The following STARD13 variants were observed in gnomAD, a reference collection of about 807,000 sequenced individuals.
STARD13 encodes the protein stAR-related lipid transfer protein 13.
In STARD13, 62 loss-of-function variants were observed where a neutral mutation model predicts 106.4. That is an observed-to-expected ratio of 0.58 (90% CI 0.48 to 0.72). The LOEUF is 0.72. STARD13 is among the 30% of genes least tolerant of loss of function. The pLI, the probability that STARD13 is intolerant of heterozygous loss-of-function variation, is 0.00. For synonymous variants in STARD13, 565 were observed against 553.0 expected (o/e 1.02, Z -0.31); for missense variants, 1,387 against 1,424.0 (o/e 0.97, Z 0.42).
the STARD13 span, among the ~76,000 whole-genome samples, chr13:33,630,632 T>C: frequency 6.6e-6 from 1 of 152,126 alleles, no homozygotes; most frequent in African/African-American, 2.4e-5. Context: ...GAGTTATGGG[T>C]AGGAAAAATT....
the STARD13 span, among the ~76,000 whole-genome samples, chr13:33,569,951 C>T: frequency 1.4e-5 from 2 of 147,208 alleles, no homozygotes. Context: ...TAAAAGACCA[C>T]ATATTGGGTA....
the STARD13 span, among the ~76,000 whole-genome samples, chr13:33,627,002 TA>T: frequency 6.6e-6 from 1 of 152,242 alleles, no homozygotes; most frequent in Non-Finnish European, 1.5e-5. Flanking sequence ...TTGGTTCTGA[TA>T]AAGGGAAATA....
At chr13:33,266,293 T>A (rs558244036) in intron 1 of STARD13, among the ~76,000 whole-genome samples, 1 of 152,364 alleles carries the variant, frequency 6.6e-6, no homozygotes, top group Admixed American at 6.5e-5. Context: ...TAATTATTGA[T>A]CATGTTTAGG....
the STARD13 span, among the ~76,000 whole-genome samples, chr13:33,660,668 TG>T: frequency 1.3e-5 from 2 of 152,164 alleles, no homozygotes; most frequent in African/African-American, 4.8e-5. Context: ...ACTGCAGACT[TG>T]AACTCCTGGG....
chr13:33,501,745 C>G, the STARD13 span, among the ~76,000 whole-genome samples: 1 of 151,960 alleles, frequency 6.6e-6, no homozygotes. Context: ...TGGTCTGTAT[C>G]TCTGTTTTGG....
intron 1 of STARD13, among the ~76,000 whole-genome samples, chr13:33,341,451 A>G (rs1340896985): frequency 6.6e-6 from 1 of 152,138 alleles, no homozygotes; most frequent in Non-Finnish European, 1.5e-5. Context: ...AACCTCGCTA[A>G]CATGGTGAAA....
intron 1 of STARD13, among the ~76,000 whole-genome samples, chr13:33,309,505 G>C (rs932640248): frequency 6.6e-6 from 1 of 152,180 alleles, no homozygotes; most frequent in East Asian, 1.9e-4. Context: ...CTGGTGCAAT[G>C]GTAACACTTT....
chr13:33,141,205 A>G (rs1214976181), intron 4 of STARD13, among the ~76,000 whole-genome samples: 1 of 152,216 alleles, frequency 6.6e-6, no homozygotes, highest in African/African-American at 2.4e-5. Context: ...AATTCAGTGA[A>G]AAAGAGAGGC....
chr13:33,616,467 G>A, the STARD13 span, among the ~76,000 whole-genome samples: 1 of 152,250 alleles, frequency 6.6e-6, no homozygotes, highest in East Asian at 1.9e-4. Flanking sequence ...GGGAATCTCA[G>A]AAATCTAGAC....
intron 1 of STARD13, among the ~76,000 whole-genome samples, chr13:33,192,742 TACAAA>T (rs1886339435): frequency 6.6e-6 from 1 of 152,016 alleles, no homozygotes; most frequent in Admixed American, 6.5e-5. Context: ...CTACTAAAAA[TACAAA>T]ATTAGCTGGG....
At chr13:33,216,212 G>C (rs1888031678) in intron 1 of STARD13, among the ~76,000 whole-genome samples, 1 of 152,124 alleles carries the variant, frequency 6.6e-6, no homozygotes, top group African/African-American at 2.4e-5. Context: ...TCTCACTACT[G>C]GGTATCTACT....
the STARD13 span, among the ~76,000 whole-genome samples, chr13:33,480,129 A>G: frequency 3.9e-5 from 6 of 152,334 alleles, no homozygotes; most frequent in African/African-American, 1.4e-4. Context: ...TGTATTTATA[A>G]CACACATATG....
the STARD13 span, chr13:33,654,750 A>T: frequency 6.6e-6 from 1 of 152,182 alleles, no homozygotes; most frequent in African/African-American, 2.4e-5. Context: ...TTAGTTCCTG[A>T]TTTTACCTTG....
At chr13:33,653,874 A>C in the STARD13 span, among the ~76,000 whole-genome samples, 1 of 152,220 alleles carries the variant, frequency 6.6e-6, no homozygotes, top group East Asian at 1.9e-4. Flanking sequence ...CAAATGATTT[A>C]AATAGACATC....
chr13:33,167,917 G>A (rs1029541939), intron 1 of STARD13, among the ~76,000 whole-genome samples: 71 of 151,870 alleles, frequency 4.7e-4, no homozygotes, highest in Admixed American at 9.2e-4. Context: ...AGGGAAAAAT[G>A]TCTTATTTAT....
chr13:33,620,816 A>C, the STARD13 span, among the ~76,000 whole-genome samples: 3 of 150,924 alleles, frequency 2.0e-5, no homozygotes, highest in East Asian at 5.8e-4. Context: ...AAATATAATA[A>C]AAAATTTAAT....
the STARD13 span, among the ~76,000 whole-genome samples, chr13:33,530,548 T>C: frequency 3.9e-5 from 6 of 152,204 alleles, no homozygotes; most frequent in Admixed American, 2.6e-4. Context: ...GTTTTCCCAA[T>C]CTGAATTTTG....
chr13:33,505,579 A>C, the STARD13 span, among the ~76,000 whole-genome samples: 1 of 152,318 alleles, frequency 6.6e-6, no homozygotes, highest in East Asian at 1.9e-4. Flanking sequence ...GACAATTTTC[A>C]AATTTGTCTG....
the STARD13 span, among the ~76,000 whole-genome samples, chr13:33,378,480 A>G: frequency 1.3e-5 from 2 of 152,180 alleles, no homozygotes; most frequent in Admixed American, 1.3e-4. Context: ...GAAAACCTGC[A>G]CTTCTTATTA....
Sources: gnomAD v4.1 joint callset for allele counts (sites outside exome capture counted in the v4.1 genomes callset) on GRCh38, gnomAD v4.1.1 for gene constraint, MANE v1.5 for transcripts, NCBI Gene and HGNC (gene_info 2026-07-23, HGNC 2026-07-21) for gene names.